The following TMEM50A variants were observed in gnomAD, a reference collection of about 807,000 sequenced individuals.
TMEM50A encodes transmembrane protein 50A.
A neutral mutation model predicts 23.9 loss-of-function variants in TMEM50A; 8 were observed. The ratio of observed to expected loss-of-function variants is 0.33; its 90% CI spans 0.20 to 0.60. TMEM50A has a LOEUF of 0.60. Among genes scored for constraint, TMEM50A ranks in the 20% least tolerant of loss-of-function variants. The pLI, the probability that TMEM50A is intolerant of heterozygous loss-of-function variation, is 0.81. For missense variants in TMEM50A, 178 were observed against 192.7 expected (o/e 0.92, Z 0.45); for synonymous variants, 55 against 60.4 (o/e 0.91, Z 0.41).
At chr1:25,354,312 C>A (rs2124257718) in intron 5 of TMEM50A, among the ~76,000 whole-genome samples, 1 of 152,168 alleles carries the variant, frequency 6.6e-6, no homozygotes, top group African/African-American at 2.4e-5. Context: ...TTATTAAAAT[C>A]ATGTTACCAA....
chr1:25,352,130 T>G (rs924889960), intron 4 of TMEM50A, among the ~76,000 whole-genome samples: 2 of 152,124 alleles, frequency 1.3e-5, no homozygotes, highest in Non-Finnish European at 2.9e-5. Context: ...TATGGTAGCT[T>G]GGAGATTCGT....
At position 25,351,611 on chromosome 1, in the gene TMEM50A, A is replaced by C. The variant is rs1429346645; in HGVS notation, c.207-15A>C. ...TCATGGACCCTGATTTCTTGGTTTT[A>C]TTTTATTCATACAGGATTAATGCAG... On this transcript the variant is annotated splice_polypyrimidine_tract_variant and intron_variant, in intron 3 of 6. Transcript: ENST00000374358. The C allele has an allele frequency of 2.5e-6, 4 of 1,595,018 alleles. No homozygotes were observed. The highest frequency in any genetic ancestry group is 3.4e-6 in the Non-Finnish European group (4 of 1,174,638).
chr1:25,345,181 A>G (rs1419530762), intron 3 of TMEM50A, among the ~76,000 whole-genome samples: 4 of 142,232 alleles, frequency 2.8e-5, no homozygotes, highest in Non-Finnish European at 6.0e-5. Flanking sequence ...ATGGTGGCTC[A>G]CGCCTGTAAT....
In TMEM50A at chr1:25,360,719, C is replaced by G. The variant is rs1427940787; in HGVS notation, c.*14C>G. 6 of 1,613,850 alleles carry G rather than the reference C, an allele frequency of 3.7e-6. 1 individual carries two copies. Among genetic ancestry groups the G allele is most frequent in the Non-Finnish European group, 5.1e-6 (6 of 1,179,936 alleles). ...TTATGGCAGTGAACACATCTGATTT[C>G]CCACAGCACAACAGCCCTGCATGGG... On this transcript the variant is annotated 3_prime_UTR_variant, in exon 7 of 7. Coordinates refer to ENST00000374358, the MANE Select transcript of TMEM50A (RefSeq NM_014313.4).
rs553310355 is a variant in TMEM50A at position 25,345,478 on chromosome 1, G to A, written c.206+2405G>A. 2.6e-5 allele frequency among the ~76,000 whole-genome samples: 4 copies of A among 152,186 alleles called. No individual in the cohort carries two copies. The East Asian group carries it at 7.7e-4, about 29-fold the overall frequency. ...GACTGTGGTCCCAGCTACTCGGGAG[G>A]CTGAGGCAGGAGAATCGCTTGAACC... On this transcript the variant is annotated intron_variant, in intron 3 of 6. Coordinates refer to ENST00000374358, the MANE Select transcript of TMEM50A (RefSeq NM_014313.4).
chr1:25,354,845 C>G (rs1645316992), intron 5 of TMEM50A, among the ~76,000 whole-genome samples: 1 of 152,016 alleles, frequency 6.6e-6, no homozygotes, highest in South Asian at 2.1e-4. Flanking sequence ...GATCTCAGCT[C>G]ACTGCAACCT....
At chr1:25,350,036 G>A (rs3093609) in intron 3 of TMEM50A, among the ~76,000 whole-genome samples, 1,550 of 152,336 alleles carry the variant, frequency 0.01, 28 homozygotes, top group African/African-American at 0.035. Flanking sequence ...ATGCTATGAA[G>A]AGTTAGTAAA....
chr1:25,352,431 G>A (rs1645283439), intron 4 of TMEM50A, among the ~76,000 whole-genome samples: 1 of 150,386 alleles, frequency 6.6e-6, no homozygotes, highest in South Asian at 2.1e-4. Context: ...GGCGGGTGGA[G>A]CTTGCAGTGA....
intron 3 of TMEM50A, among the ~76,000 whole-genome samples, chr1:25,349,624 CT>C (rs891079003): frequency 1.3e-3 from 197 of 149,984 alleles, no homozygotes; most frequent in African/African-American, 4.4e-3. Flanking sequence ...CCTATATTCA[CT>C]TTTTTTTTTC....
intron 6 of TMEM50A, among the ~76,000 whole-genome samples, 200 bp downstream of exon 6, chr1:25,357,053 AATTTTT>A (rs1214405472): frequency 3.3e-5 from 5 of 152,202 alleles, no homozygotes; most frequent in Admixed American, 6.5e-5. Context: ...AGCATATATT[AATTTTT>A]AAGATTGCTA....
rs1476595118 is a variant in TMEM50A, at chr1:25,357,507, C to T, written c.428+654C>T. Among the ~76,000 whole-genome samples, 11 of 151,554 alleles carry T rather than the reference C, an allele frequency of 7.3e-5. No individual in the cohort carries two copies. The East Asian group carries it at 2.1e-3, about 29-fold the overall frequency. Reference sequence around the variant, plus strand: ...CCCCACAAACAAAACAGCTCAACAGCTCTTAATCCTCTGCATCAGGAGTGT... The same window carrying T: ...CCCCACAAACAAAACAGCTCAACAGTTCTTAATCCTCTGCATCAGGAGTGT... On this transcript the variant is annotated intron_variant, in intron 6 of 6. Transcript: ENST00000374358.
chr1:25,342,627 C>G (rs1645178903), intron 2 of TMEM50A: 1 of 164,602 alleles, frequency 6.1e-6, no homozygotes, highest in Admixed American at 6.1e-5. Flanking sequence ...CAACAGGACA[C>G]TTCTGTCAGT....
intron 6 of TMEM50A, among the ~76,000 whole-genome samples, chr1:25,357,938 G>C (rs533543937): frequency 7.1e-6 from 1 of 141,122 alleles, no homozygotes; most frequent in Non-Finnish European, 1.5e-5. Flanking sequence ...CACCCAGCCT[G>C]CATCAGGAGT....
Position 25,362,032 on chromosome 1 carries a change from G to A in TMEM50A, c.*1327G>A. On this transcript the variant is annotated 3_prime_UTR_variant, in exon 7 of 7. Coordinates refer to ENST00000374358, the MANE Select transcript of TMEM50A (RefSeq NM_014313.4). ...CAGTGCATCCCCCCACCCTACAACT[G>A]AGCACAACCTCTTTCCCCACAGTGC... 4.0e-6 allele frequency: 1 copy of A among 248,746 alleles called. No homozygotes were observed. The highest frequency in any genetic ancestry group is 4.8e-5 in the South Asian group (1 of 20,622). 15.4% of individuals were successfully genotyped at this position (248,746 alleles called of 1,614,324 possible).
intron 3 of TMEM50A, among the ~76,000 whole-genome samples, chr1:25,350,010 C>A (rs1000561211): frequency 1.3e-5 from 2 of 152,172 alleles, no homozygotes; most frequent in Non-Finnish European, 2.9e-5. Flanking sequence ...GCAAGCCTAT[C>A]TCAATTTAGA....
chr1:25,348,910 G>C (rs892702187), intron 3 of TMEM50A, among the ~76,000 whole-genome samples: 1 of 152,150 alleles, frequency 6.6e-6, no homozygotes, highest in Non-Finnish European at 1.5e-5. Flanking sequence ...AGCATGAGAG[G>C]CATCCTCTAT....
chr1:25,349,013 T>A (rs960388230), intron 3 of TMEM50A, among the ~76,000 whole-genome samples: 7 of 151,492 alleles, frequency 4.6e-5, no homozygotes, highest in Non-Finnish European at 7.4e-5. Context: ...CTGAGCAGGG[T>A]GAGGAGGGGA....
Position 25,348,379 on chromosome 1 carries a change from T to C in TMEM50A, c.207-3247T>C, listed in dbSNP as rs1645241113. ...TAAATGTTCTGTGTATTACTCTGTA[T>C]TTTTTAATTTTAAAAATGTAGGGTA... On this transcript the variant is annotated intron_variant, in intron 3 of 6. Coordinates refer to ENST00000374358, the MANE Select transcript of TMEM50A (RefSeq NM_014313.4). Among the ~76,000 whole-genome samples, 4 of 152,208 alleles carry C rather than the reference T, an allele frequency of 2.6e-5. No homozygotes were observed. The South Asian group carries it at 8.3e-4, about 31-fold the overall frequency.
At chr1:25,342,022 T>A (rs1645174168) in intron 2 of TMEM50A, among the ~76,000 whole-genome samples, 1 of 152,170 alleles carries the variant, frequency 6.6e-6, no homozygotes, top group Admixed American at 6.5e-5. Context: ...TTTGAGTTTT[T>A]AGTCTATGAA....
Sources: allele counts gnomAD v4.1 joint callset (sites outside exome capture counted in the v4.1 genomes callset), GRCh38; gene constraint gnomAD v4.1.1; transcripts MANE v1.5; gene names NCBI Gene and HGNC (gene_info 2026-07-23, HGNC 2026-07-21).